The following KANK1 variants were observed in gnomAD, a reference collection of about 807,000 sequenced individuals.
The protein encoded by KANK1 is KN motif and ankyrin repeat domains 1, also known as KN motif and ankyrin repeat domain-containing protein 1.
KANK1 carries 109 observed loss-of-function variants against 106.2 expected under a neutral mutation model. The observed-to-expected ratio is 1.03, with a 90% confidence interval of 0.88 to 1.20. KANK1 has a LOEUF of 1.20. Among genes scored for constraint, KANK1 ranks in the 50% most tolerant of loss-of-function variants. The pLI is 0.00. For missense variants in KANK1, 2,399 were observed against 1,710.7 expected (o/e 1.40, Z -7.10); for synonymous variants, 873 against 652.2 (o/e 1.34, Z -5.16).
At position 713,471 on chromosome 9, in the gene KANK1, G is replaced by A. The variant is rs371572036; in HGVS notation, c.2698+7G>A. On this transcript the variant is annotated splice_region_variant and intron_variant, in intron 3 of 11. Transcript: ENST00000382297. ...AGTCTGGGTAAAATCACAGGTAGGT[G>A]GTACCCTGAGGACCTGGGAATGAGG... The A allele has an allele frequency of 1.9e-6, 3 of 1,553,316 alleles. No homozygotes were observed. Among genetic ancestry groups the A allele is most frequent in the African/African-American group, 2.7e-5 (2 of 72,750 alleles).
intron 1 of KANK1, among the ~76,000 whole-genome samples, chr9:536,084 T>C (rs1424040362): frequency 3.4e-5 from 5 of 147,190 alleles, no homozygotes; most frequent in African/African-American, 1.3e-4. Flanking sequence ...ACATCTGTAA[T>C]CCCAGCACTT....
chr9:578,473 T>C (rs1821187047), intron 1 of KANK1, among the ~76,000 whole-genome samples: 1 of 152,094 alleles, frequency 6.6e-6, no homozygotes, highest in Admixed American at 6.6e-5. Flanking sequence ...CCTTTTTTTT[T>C]TGTTGGGCGG....
intron 1 of KANK1, among the ~76,000 whole-genome samples, chr9:649,234 C>A (rs1416325703): frequency 6.6e-6 from 1 of 152,138 alleles, no homozygotes; most frequent in East Asian, 1.9e-4. Flanking sequence ...ACCTCTGTTT[C>A]TTTCCCATTA....
chr9:628,916 T>C (rs58117295), intron 1 of KANK1, among the ~76,000 whole-genome samples: 7,852 of 149,696 alleles, frequency 0.052, 594 homozygotes, highest in East Asian at 0.22. Context: ...CCATCTCTAC[T>C]AAAAATACAA....
At chr9:719,868 C>T (rs1369876597) in intron 3 of KANK1, among the ~76,000 whole-genome samples, 1 of 152,130 alleles carries the variant, frequency 6.6e-6, no homozygotes, top group African/African-American at 2.4e-5. Context: ...AGTGATCCTC[C>T]CACCTTCCAG....
chr9:660,354 A>C (rs9408656), intron 1 of KANK1: 110,927 of 192,942 alleles, frequency 0.57, 34,421 homozygotes, highest in East Asian at 0.87. Context: ...AGCTTGAATG[A>C]GGTTTTCCTT....
At position 524,304 on chromosome 9, in the gene KANK1, G is replaced by GT. The variant is rs146563690; in HGVS notation, c.-84+19560dup. Among the ~76,000 whole-genome samples, 855 of 146,496 alleles carry GT rather than the reference G, an allele frequency of 5.8e-3. 14 individuals are homozygous for GT. Among genetic ancestry groups the GT allele is most frequent in the African/African-American group, 6.2e-3 (246 of 39,558 alleles). ...TTAAGTCGTTCTGTAGTTTTTTGTT[G>GT]TTTTTTTTTTCTTGACAATAACTCT... On this transcript the variant is annotated intron_variant, in intron 1 of 11. Transcript: ENST00000382297.
At position 693,840 on chromosome 9, in the gene KANK1, G is replaced by A. The variant is rs560092510; in HGVS notation, c.37+16831G>A. 8 of 981,474 alleles carry A rather than the reference G, an allele frequency of 8.2e-6. No homozygotes were observed. The South Asian group carries it at 3.8e-4, about 46-fold the overall frequency. 60.8% of individuals were successfully genotyped at this position (981,474 alleles called of 1,614,324 possible). On this transcript the variant is annotated intron_variant, in intron 2 of 11. Transcript: ENST00000382297. ...GAGGAGGAGAGCATGATGTTTGGGT[G>A]GGGGTTGGTGAAATATAAACTCGAG...
At chr9:636,702 C>T (rs963236424) in intron 1 of KANK1, among the ~76,000 whole-genome samples, 11 of 152,122 alleles carry the variant, frequency 7.2e-5, no homozygotes, top group African/African-American at 2.7e-4. Flanking sequence ...CCCATATCTA[C>T]TAAAAATACA....
Position 653,242 on chromosome 9 carries a change from G to A in KANK1, c.-83-23648G>A, listed in dbSNP as rs140551812. Among the ~76,000 whole-genome samples the A allele has an allele frequency of 2.5e-3, 387 of 152,146 alleles. 3 individuals are homozygous for A. Among genetic ancestry groups the A allele is most frequent in the Non-Finnish European group, 1.4e-3 (98 of 68,018 alleles). On this transcript the variant is annotated intron_variant, in intron 1 of 11. Transcript: ENST00000382297. ...CTGAGGCCCAGAGCATTTAAGTAAC[G>A]TTCCCAGAGTCCCAGAGGTAGTTCG...
intron 3 of KANK1, among the ~76,000 whole-genome samples, chr9:714,756 G>C (rs1827231847): frequency 6.6e-6 from 1 of 152,150 alleles, no homozygotes. Context: ...TAATCAGAAA[G>C]CCACCCTGGA....
chr9:607,454 C>T (rs1207061719), intron 1 of KANK1, among the ~76,000 whole-genome samples: 3 of 135,906 alleles, frequency 2.2e-5, no homozygotes, highest in Non-Finnish European at 4.5e-5. Flanking sequence ...CATTGCACTC[C>T]AGCCTGGGCG....
chr9:504,169 C>A (rs939587659), upstream of KANK1, among the ~76,000 whole-genome samples: 2 of 152,194 alleles, frequency 1.3e-5, no homozygotes, highest in African/African-American at 4.8e-5. Context: ...AGCCTCGTTG[C>A]CAGAACCCCC....
At position 742,380 on chromosome 9, in the gene KANK1, G is replaced by C; in HGVS notation, c.3872G>C (p.Gly1291Ala). The C allele has an allele frequency of 6.2e-7, 1 of 1,613,804 alleles. No individual in the cohort carries two copies. Among genetic ancestry groups the C allele is most frequent in the Middle Eastern group, 1.7e-4 (1 of 6,034 alleles). Residue 1291 changes from glycine (G) to alanine (A), a missense_variant, in exon 10 of 12, where the codon GGC (glycine) becomes GCC (alanine). Transcript: ENST00000382297. Reference protein sequence around the residue: ...EIVKLLLAQPGCNGHLEDNDG... With the variant: ...EIVKLLLAQPACNGHLEDNDG... Reference sequence around the variant, plus strand: ...GTCAAGCTGCTGCTGGCCCAGCCCGGCTGCAACGGTCACCTAGAGGACAAC... The same window carrying C: ...GTCAAGCTGCTGCTGGCCCAGCCCGCCTGCAACGGTCACCTAGAGGACAAC...
intron 1 of KANK1, among the ~76,000 whole-genome samples, chr9:626,875 A>C (rs1016185919): frequency 1.3e-5 from 2 of 152,222 alleles, no homozygotes; most frequent in African/African-American, 4.8e-5. Context: ...ACAGCTTTAC[A>C]GTGTGTTAAA....
Position 731,255 on chromosome 9 carries a change from C to A in KANK1, c.2994C>A (p.Gly998=). 1 of 1,592,792 alleles carries A rather than the reference C, an allele frequency of 6.3e-7. No individual in the cohort carries two copies. Among genetic ancestry groups the A allele is most frequent in the Non-Finnish European group, 8.6e-7 (1 of 1,161,268 alleles). ...NGAKKNLQFV[G]INGGYETTSS... ...CAAAAAAGAATCTTCAGTTTGTTGG[C>A]ATTAATGGAGGGTAAGGAAAGATGG... is the stretch of plus-strand genomic sequence containing the variant. Residue 998 remains glycine, a synonymous_variant, in exon 5 of 12, where the codon GGC becomes GGA. Coordinates refer to ENST00000382297, the MANE Select transcript of KANK1 (RefSeq NM_015158.5).
chr9:537,398 T>A (rs1421830428), intron 1 of KANK1, among the ~76,000 whole-genome samples: 1 of 152,146 alleles, frequency 6.6e-6, no homozygotes. Context: ...CAGAAAATAA[T>A]TTGCTAGAAG....
At chr9:557,784 C>T (rs1004814971) in intron 1 of KANK1, among the ~76,000 whole-genome samples, 29 of 152,260 alleles carry the variant, frequency 1.9e-4, no homozygotes, top group African/African-American at 6.7e-4. Context: ...AATCCCAGCA[C>T]TTTGGGAGGC....
At chr9:689,277 G>A (rs9408680) in intron 2 of KANK1, among the ~76,000 whole-genome samples, 36,655 of 152,080 alleles carry the variant, frequency 0.24, 5,455 homozygotes, top group East Asian at 0.55. Flanking sequence ...GGGGAAATGC[G>A]TTTGTTGAAT....
Sources: allele counts gnomAD v4.1 joint callset (sites outside exome capture counted in the v4.1 genomes callset), GRCh38; gene constraint gnomAD v4.1.1; transcripts MANE v1.5; gene names NCBI Gene and HGNC (gene_info 2026-07-23, HGNC 2026-07-21).